The following ACTA2 variants were observed in gnomAD, a reference collection of about 807,000 sequenced individuals.
ACTA2 encodes the protein actin, aortic smooth muscle.
Under a neutral mutation model 39.5 loss-of-function variants are expected in ACTA2, and 12 were observed. The ratio of observed to expected loss-of-function variants is 0.30; its 90% confidence interval spans 0.19 to 0.49. The LOEUF is 0.49. ACTA2 is among the 20% of genes least tolerant of loss of function. ACTA2 has a pLI of 0.99. For missense variants in ACTA2, 236 were observed against 498.8 expected, an observed-to-expected ratio of 0.47 and a Z score of 5.02; for synonymous variants, 158 against 180.6, an observed-to-expected ratio of 0.88 and a Z score of 1.00.
chr10:88,952,287 C>A (rs1353016534), intron 1 of ACTA2, among the ~76,000 whole-genome samples: 1 of 152,230 alleles, frequency 6.6e-6, no homozygotes, highest in Non-Finnish European at 1.5e-5. Flanking sequence ...CCAAAATCCA[C>A]TTCCAGACAC....
chr10:88,964,842 G>A (rs755814059), intron 1 of ACTA2, among the ~76,000 whole-genome samples: 23 of 152,120 alleles, frequency 1.5e-4, no homozygotes, highest in Non-Finnish European at 2.6e-4. Context: ...GGAGGCACCC[G>A]TTCTGCTGCT....
chr10:88,945,941 C>G (rs1377498175), intron 3 of ACTA2, among the ~76,000 whole-genome samples: 2 of 152,146 alleles, frequency 1.3e-5, no homozygotes, highest in South Asian at 2.1e-4. Context: ...GGTTTTCATT[C>G]TCTGAGCTGC....
chr10:88,949,009 AC>A, intron 1 of ACTA2, 56 bp from the exon 2 acceptor site: 1 of 1,589,782 alleles, frequency 6.3e-7, no homozygotes, highest in Non-Finnish European at 8.6e-7. Flanking sequence ...TGTGGCACTT[AC>A]CTGACAACTC....
chr10:88,989,172 T>C (rs893158899), intron 1 of ACTA2, among the ~76,000 whole-genome samples: 1 of 152,152 alleles, frequency 6.6e-6, no homozygotes, highest in Admixed American at 6.6e-5. Context: ...TAATGATAAG[T>C]ATTAAGTAAG....
At chr10:88,988,153 C>A (rs1564666638) in intron 1 of ACTA2, among the ~76,000 whole-genome samples, 1 of 152,026 alleles carries the variant, frequency 6.6e-6, no homozygotes, top group Non-Finnish European at 1.5e-5. Flanking sequence ...CTCTAGAGAA[C>A]CCTGACTAAA....
upstream of ACTA2, among the ~76,000 whole-genome samples, chr10:88,954,556 G>T (rs898661555): frequency 4.6e-5 from 7 of 152,156 alleles, no homozygotes; most frequent in Non-Finnish European, 1.0e-4. Context: ...CGCAGTGTCT[G>T]TGTAGTCCTT....
chr10:88,962,615 A>G (rs1204710329), intron 1 of ACTA2, among the ~76,000 whole-genome samples: 1 of 152,136 alleles, frequency 6.6e-6, no homozygotes, highest in African/African-American at 2.4e-5. Context: ...TTATATCCCA[A>G]GTGTATGAAC....
intron 1 of ACTA2, among the ~76,000 whole-genome samples, chr10:88,971,810 G>A (rs1402859681): frequency 6.6e-6 from 1 of 152,126 alleles, no homozygotes; most frequent in Non-Finnish European, 1.5e-5. Flanking sequence ...TGTTCAGAGG[G>A]TGATGCTCTG....
At chr10:88,954,891 C>G (rs1437097052), upstream of ACTA2, among the ~76,000 whole-genome samples, 2 of 151,764 alleles carry the variant, frequency 1.3e-5, no homozygotes, top group South Asian at 2.1e-4. Context: ...GTGAGAGAAA[C>G]CAGCACTGCA....
intron 1 of ACTA2, among the ~76,000 whole-genome samples, chr10:88,965,023 G>A (rs1443929649): frequency 6.6e-6 from 1 of 152,026 alleles, no homozygotes; most frequent in African/African-American, 2.4e-5. Context: ...TCCAGAGCCG[G>A]GGATAGCTTC....
intron 1 of ACTA2, among the ~76,000 whole-genome samples, chr10:88,981,401 C>T (rs2133348817): frequency 6.6e-6 from 1 of 150,706 alleles, no homozygotes; most frequent in African/African-American, 2.4e-5. Context: ...TTTTAAAGAA[C>T]TGGCCATTGC....
chr10:88,941,438 G>A (rs1337004318), intron 5 of ACTA2, 48 bp from the exon 6 acceptor site: 18 of 1,611,962 alleles, frequency 1.1e-5, no homozygotes, highest in Non-Finnish European at 1.5e-5. Flanking sequence ...CTGGCATGTG[G>A]TTACTTGCTG....
upstream of ACTA2, among the ~76,000 whole-genome samples, chr10:88,957,761 C>T (rs573945443): frequency 2.0e-5 from 3 of 151,994 alleles, no homozygotes; most frequent in African/African-American, 4.8e-5. Flanking sequence ...CCTAGGAAGC[C>T]CTCTCTACCC....
chr10:88,951,595 A>G (rs1054573976), intron 1 of ACTA2, among the ~76,000 whole-genome samples: 26 of 152,204 alleles, frequency 1.7e-4, no homozygotes, highest in African/African-American at 6.0e-4. Context: ...CCCCGGAAAG[A>G]GTCAGCTCAG....
intron 6 of ACTA2, chr10:88,940,594 G>A (rs1845829787): frequency 6.0e-6 from 1 of 166,992 alleles, no homozygotes; most frequent in South Asian, 1.5e-4. Context: ...GACATACAAT[G>A]TTTCTGGCAA....
At chr10:88,973,119 T>C in intron 1 of ACTA2, 2 of 1,494,902 alleles carry the variant, frequency 1.3e-6, no homozygotes, top group Non-Finnish European at 1.8e-6. Flanking sequence ...TTTTCTATTT[T>C]AATTTTTCCT....
chr10:88,942,796 C>T (rs7921400), intron 4 of ACTA2, among the ~76,000 whole-genome samples: 2,894 of 151,976 alleles, frequency 0.019, 105 homozygotes, highest in African/African-American at 0.067. Flanking sequence ...TCATCAGAAG[C>T]AACATCTCTT....
chr10:88,940,804 A>T, intron 6 of ACTA2: 1 of 301,458 alleles, frequency 3.3e-6, no homozygotes, highest in South Asian at 3.3e-5. Context: ...GTCTATTATT[A>T]TCCCCATTTT....
At chr10:88,937,211 A>AAG (rs1164602179) in intron 8 of ACTA2, among the ~76,000 whole-genome samples, 3,221 of 152,208 alleles carry the variant, frequency 0.021, 55 homozygotes, top group South Asian at 0.083. Context: ...GTTTCAGTCT[A>AAG]GCACACTCTC....
Sources: allele counts gnomAD v4.1 joint callset (sites outside exome capture counted in the v4.1 genomes callset), GRCh38; gene constraint gnomAD v4.1.1; transcripts MANE v1.5; gene names NCBI Gene and HGNC (gene_info 2026-07-23, HGNC 2026-07-21).